The following PRKAR1A variants were observed in gnomAD, a reference collection of about 807,000 sequenced individuals.
PRKAR1A encodes the protein cAMP-dependent protein kinase type I-alpha regulatory subunit.
Under a neutral mutation model 52.0 loss-of-function variants are expected in PRKAR1A, and 3 were observed. That is an observed-to-expected ratio of 0.06 (90% CI 0.03 to 0.15). The LOEUF (loss-of-function observed/expected upper bound fraction) is 0.15, where lower values mean the gene tolerates loss of function less well. PRKAR1A is among the 10% of genes least tolerant of loss of function. The pLI is 1.00. For missense variants in PRKAR1A, 240 were observed against 477.4 expected (o/e 0.50, Z 4.63); for synonymous variants, 188 against 168.4 (o/e 1.12, Z -0.90).
the PRKAR1A span, chr17:68,426,254 G>GGGGCCCCCCC: frequency 1.2e-6 from 1 of 816,902 alleles, no homozygotes; most frequent in East Asian, 3.5e-5. Flanking sequence ...GGGAGCGGGG[G>GGGGCCCCCCC]CTCAAATAAA....
At chr17:68,512,787 C>T (rs746185645) in intron 1 of PRKAR1A, 4 of 152,242 alleles carry the variant, frequency 2.6e-5, no homozygotes, top group Admixed American at 6.5e-5. Flanking sequence ...CCCAGCCGCC[C>T]CGCTCGCGCT....
At chr17:68,453,261 A>G in the PRKAR1A span, among the ~76,000 whole-genome samples, 2 of 152,210 alleles carry the variant, frequency 1.3e-5, no homozygotes, top group Non-Finnish European at 2.9e-5. Context: ...ATCCAACAAA[A>G]TGTCAAATCT....
the PRKAR1A span, among the ~76,000 whole-genome samples, chr17:68,414,461 G>A: frequency 6.6e-6 from 1 of 152,146 alleles, no homozygotes; most frequent in Non-Finnish European, 1.5e-5. Flanking sequence ...TAGCATCTAT[G>A]TTCATGAGGG....
At chr17:68,421,672 C>G in the PRKAR1A span, 173 of 1,539,014 alleles carry the variant, frequency 1.1e-4, no homozygotes, top group Admixed American at 3.0e-4. Flanking sequence ...TTCCTGCCCC[C>G]CTTTCTGCTC....
chr17:68,487,406 A>G, the PRKAR1A span, among the ~76,000 whole-genome samples: 1 of 152,232 alleles, frequency 6.6e-6, no homozygotes, highest in African/African-American at 2.4e-5. Flanking sequence ...ACACTATGGT[A>G]TATATTGAGA....
intron 8 of PRKAR1A, 98 bp downstream of exon 8, chr17:68,527,998 C>A (rs1051896156): frequency 7.7e-6 from 8 of 1,042,422 alleles, no homozygotes; most frequent in Non-Finnish European, 1.0e-5. Flanking sequence ...ATAATTGCTA[C>A]TCATTCCCCC....
At chr17:68,417,418 G>T in the PRKAR1A span, among the ~76,000 whole-genome samples, 1 of 152,134 alleles carries the variant, frequency 6.6e-6, no homozygotes, top group African/African-American at 2.4e-5. Context: ...TAAGAACTTG[G>T]TTGAGCTCCT....
At position 68,524,846 on chromosome 17, in the gene PRKAR1A, G is replaced by A. The variant is rs1223359361; in HGVS notation, c.503-66G>A. The A allele has an allele frequency of 8.6e-6, 11 of 1,278,568 alleles. No individual in the cohort carries two copies. In the African/African-American group the frequency reaches 1.5e-4, roughly 17 times the overall value. The allele number at this position is 1,278,568 out of a possible 1,614,324, so 79.2% of individuals were successfully genotyped here. ...CACTGTAAAATAAGTTTATTGTTTT[G>A]TAATAATTTTGATAATTTCTTTCTT... is the stretch of plus-strand genomic sequence containing the variant. On this transcript the variant is annotated intron_variant, in intron 5 of 10. Coordinates refer to ENST00000589228, the MANE Select transcript of PRKAR1A (RefSeq NM_002734.5).
chr17:68,541,202 C>T, intron 11 of PRKAR1A: 2 of 514,744 alleles, frequency 3.9e-6, no homozygotes, highest in South Asian at 2.0e-5. Context: ...ATACTGTGTG[C>T]CAGAGGGGAG....
At chr17:68,511,311 T>C (rs956783015), upstream of PRKAR1A, among the ~76,000 whole-genome samples, 1 of 152,210 alleles carries the variant, frequency 6.6e-6, no homozygotes, top group African/African-American at 2.4e-5. Context: ...TTGATGGGCC[T>C]TCTTTATTGA....
At chr17:68,426,248 G>GGGGGGGGT in the PRKAR1A span, 1 of 832,028 alleles carries the variant, frequency 1.2e-6, no homozygotes, top group South Asian at 1.4e-5. Context: ...CGGGTGGGGA[G>GGGGGGGGT]CGGGGGCTCA....
chr17:68,485,829 C>G, the PRKAR1A span, among the ~76,000 whole-genome samples: 2 of 152,108 alleles, frequency 1.3e-5, no homozygotes, highest in Admixed American at 6.5e-5. Flanking sequence ...GCCTCCACCC[C>G]CTGGGTTAAA....
At chr17:68,528,792 A>T in intron 8 of PRKAR1A, 78 bp from the exon 9 acceptor site, 1 of 1,573,390 alleles carries the variant, frequency 6.4e-7, no homozygotes, top group Non-Finnish European at 8.7e-7. Flanking sequence ...TATTTGGTTG[A>T]ATCTCTTTAT....
At chr17:68,445,843 C>T in the PRKAR1A span, among the ~76,000 whole-genome samples, 2 of 152,218 alleles carry the variant, frequency 1.3e-5, no homozygotes, top group Non-Finnish European at 2.9e-5. Context: ...TGACTTGGCT[C>T]CCCTCAGGCC....
At chr17:68,490,350 G>A in the PRKAR1A span, among the ~76,000 whole-genome samples, 2 of 152,230 alleles carry the variant, frequency 1.3e-5, no homozygotes, top group Non-Finnish European at 2.9e-5. Flanking sequence ...TTACCTGGAG[G>A]AGTATCCTTA....
the PRKAR1A span, among the ~76,000 whole-genome samples, chr17:68,441,970 G>A: frequency 6.6e-6 from 1 of 152,192 alleles, no homozygotes; most frequent in Non-Finnish European, 1.5e-5. Flanking sequence ...ATCTGAGACA[G>A]AGGAAGTCTC....
the PRKAR1A span, chr17:68,436,317 A>G: frequency 1.5e-4 from 220 of 1,477,316 alleles, no homozygotes; most frequent in Non-Finnish European, 1.9e-4. Flanking sequence ...GTCCTTATCT[A>G]TCTCCTTCCA....
chr17:68,433,014 G>A, the PRKAR1A span, among the ~76,000 whole-genome samples: 6 of 152,186 alleles, frequency 3.9e-5, no homozygotes, highest in East Asian at 1.9e-4. Context: ...AGAAATTGCA[G>A]GTGCTTCCCA....
At chr17:68,428,624 G>A in the PRKAR1A span, 16 of 531,118 alleles carry the variant, frequency 3.0e-5, no homozygotes, top group Admixed American at 4.7e-4. Flanking sequence ...TATTAATCCT[G>A]GCACTTTTCC....
Sources: allele counts gnomAD v4.1 joint callset (sites outside exome capture counted in the v4.1 genomes callset), GRCh38; gene constraint gnomAD v4.1.1; transcripts MANE v1.5; gene names NCBI Gene and HGNC (gene_info 2026-07-23, HGNC 2026-07-21).